The following MCM3AP variants were observed in gnomAD, a reference collection of about 807,000 sequenced individuals.
MCM3AP encodes minichromosome maintenance complex component 3 associated protein, also known as germinal-center associated nuclear protein.
Under a neutral mutation model 184.1 loss-of-function variants are expected in MCM3AP, and 126 were observed. The observed-to-expected ratio is 0.68, with a 90% CI of 0.59 to 0.79. The LOEUF is 0.79. Ranked by LOEUF, MCM3AP falls within the 30% of genes least tolerant of loss-of-function variation. The pLI, the probability that MCM3AP is intolerant of heterozygous loss-of-function variation, is 0.00. For synonymous variants in MCM3AP, 1,002 were observed against 979.3 expected, an observed-to-expected ratio of 1.02 and a Z score of -0.43; for missense variants, 2,496 against 2,479.2, an observed-to-expected ratio of 1.01 and a Z score of -0.14.
chr21:46,260,810 G>A lies in MCM3AP; in HGVS notation c.3564C>T (p.Thr1188=), dbSNP rs759995011. Residue 1188 remains threonine, a synonymous_variant, in exon 15 of 28, where the codon ACC becomes ACT. Transcript: ENST00000291688. ...ERVMMEFVRE[T]CSQELKNAVE... Reference sequence around the variant, plus strand: ...TCACTTACTTCAACTCCTGGGAGCAGGTTTCCCTCACAAACTCCATCATCA... The same window carrying A: ...TCACTTACTTCAACTCCTGGGAGCAAGTTTCCCTCACAAACTCCATCATCA... The A allele has an allele frequency of 6.2e-6, 10 of 1,613,652 alleles. No individual in the cohort carries two copies. Among genetic ancestry groups the A allele is most frequent in the East Asian group, 2.2e-5 (1 of 44,900 alleles).
rs914126145 is a variant in MCM3AP, at chr21:46,245,117, G to A, written c.4728C>T (p.Val1576=). The change falls in exon 23 of 28, where the codon GTC becomes GTT. Residue 1576 remains valine, a synonymous_variant. Transcript: ENST00000291688. ...TAAACTCATGGCCAATCCCGTCTTC[G>A]ACGTACTGAATGAGAGTCTGGCAGC... The part of the protein sequence containing the change: ...DLCCQTLIQY[V]EDGIGHEFSG... 1.8e-5 allele frequency: 29 copies of A among 1,614,078 alleles called. No homozygotes were observed. The highest frequency in any genetic ancestry group is 2.3e-5 in the Non-Finnish European group (27 of 1,180,038).
At position 46,285,338 on chromosome 21, in the gene MCM3AP, T is replaced by C. The variant is rs1401800105; in HGVS notation, c.-52A>G. 3 of 1,326,416 alleles carry C rather than the reference T, an allele frequency of 2.3e-6. No individual in the cohort carries two copies. The highest frequency in any genetic ancestry group is 1.9e-4 in the Middle Eastern group (1 of 5,356). 82.2% of individuals were successfully genotyped at this position (1,326,416 alleles called of 1,614,324 possible). A position where few individuals can be genotyped will look rare whatever the true frequency, so the allele number is the denominator to read the frequency against. ...TTAAGTATTATGTGTACAAAATTAA[T>C]TGGCTTCCTGAAACAGCCTGTAGCA... On this transcript the variant is annotated 5_prime_UTR_variant, in exon 1 of 28. Coordinates refer to ENST00000291688, the MANE Select transcript of MCM3AP (RefSeq NM_003906.5).
In MCM3AP at chr21:46,256,966, G is replaced by A; in HGVS notation, c.3755C>T (p.Ala1252Val). 1 of 1,611,696 alleles carries A rather than the reference G, an allele frequency of 6.2e-7. No individual in the cohort carries two copies. The highest frequency in any genetic ancestry group is 8.5e-7 in the Non-Finnish European group (1 of 1,178,692). Residue 1252 changes from alanine (A) to valine (V), a missense_variant, in exon 17 of 28, where the codon GCC (alanine) becomes GTC (valine). By Grantham distance (64) the Ala-to-Val change is moderately conservative (BLOSUM62 0). Coordinates refer to ENST00000291688, the MANE Select transcript of MCM3AP (RefSeq NM_003906.5). ...CATTTGGCGCCTCAGTTTCTTGCGG[G>A]CTGTGACAGCTTCCCTCCACCTGGG... ...YLQRWREAVTARKKLRRQMRA... is the reference protein window; with the variant it reads ...YLQRWREAVTVRKKLRRQMRA...
Position 46,256,790 on chromosome 21 carries a change from T to TC in MCM3AP, c.3930_3931insG (p.Arg1311GlufsTer25). The TC allele has an allele frequency of 1.9e-6, 3 of 1,550,512 alleles. No individual in the cohort carries two copies. The highest frequency in any genetic ancestry group is 2.6e-6 in the Non-Finnish European group (3 of 1,146,558). On this transcript the variant is annotated frameshift_variant and splice_region_variant, in exon 17 of 28. Coordinates refer to ENST00000291688, the MANE Select transcript of MCM3AP (RefSeq NM_003906.5). LOFTEE classifies it high-confidence loss of function. Reference sequence around the variant, plus strand: ...AGGCAGGCGACAGCTGATGCTGACCTGGTGCAGGAGATGCCCAATCTCCCT... The same window carrying TC: ...AGGCAGGCGACAGCTGATGCTGACCTCGGTGCAGGAGATGCCCAATCTCCCT...
chr21:46,247,985 G>C (rs2080803561), intron 20 of MCM3AP, among the ~76,000 whole-genome samples: 1 of 152,000 alleles, frequency 6.6e-6, no homozygotes, highest in South Asian at 2.1e-4. Context: ...TAGAAAGAGG[G>C]AAGGCAAGCC....
chr21:46,276,740 A>ATTT (rs34562786), intron 5 of MCM3AP, among the ~76,000 whole-genome samples: 1 of 131,370 alleles, frequency 7.6e-6, no homozygotes, highest in Non-Finnish European at 1.6e-5. Context: ...CACGCCCAGC[A>ATTT]TTTTTTTTTT....
chr21:46,262,548 T>C (rs1321175628), intron 13 of MCM3AP, among the ~76,000 whole-genome samples: 2 of 151,820 alleles, frequency 1.3e-5, no homozygotes, highest in East Asian at 3.9e-4. Context: ...CTTGGGAGGC[T>C]GAGGTGAGAG....
intron 1 of MCM3AP, 53 bp from the exon 2 acceptor site, chr21:46,283,891 A>T: frequency 1.3e-6 from 2 of 1,563,518 alleles, no homozygotes; most frequent in Non-Finnish European, 1.8e-6. Flanking sequence ...CAACAACAGG[A>T]GGCACCAACT....
At position 46,285,550 on chromosome 21, in the gene MCM3AP, G is replaced by A. The variant is rs1298951495; in HGVS notation, c.-264C>T. The A allele has an allele frequency of 2.2e-6, 1 of 455,996 alleles. No homozygotes were observed. Among genetic ancestry groups the A allele is most frequent in the Non-Finnish European group, 3.9e-6 (1 of 256,586 alleles). The allele number at this position is 455,996 out of a possible 1,614,324, so 28.2% of individuals were successfully genotyped here. ...CGATAGGTTATTTTGTTGGAGGGTG[G>A]GGTAGAGAGTGGTACAAATAATTAC... On this transcript the variant is annotated 5_prime_UTR_variant, in exon 1 of 28. Coordinates refer to ENST00000291688, the MANE Select transcript of MCM3AP (RefSeq NM_003906.5).
Position 46,280,558 on chromosome 21 carries a change from A to G in MCM3AP, c.1461T>C (p.Ala487=). The G allele has an allele frequency of 6.2e-7, 1 of 1,612,738 alleles. No individual in the cohort carries two copies. The highest frequency in any genetic ancestry group is 8.5e-7 in the Non-Finnish European group (1 of 1,179,030). The part of the protein sequence containing the change: ...HFFDHASAAL[A]RKKGKSLHKD... ...TATGCAAACTTTTCCCCTTCTTTCT[A>G]GCCAGGGCTGCAGATGCCTGGAAAA... Residue 487 remains alanine, a synonymous_variant, in exon 3 of 28, where the codon GCT becomes GCC. Transcript: ENST00000291688.
intron 20 of MCM3AP, chr21:46,249,481 G>A (rs2123844169): frequency 2.4e-6 from 1 of 410,636 alleles, no homozygotes; most frequent in African/African-American, 2.1e-5. Flanking sequence ...AAGCCACTAT[G>A]CGCGGCCAGG....
In MCM3AP at chr21:46,285,413, GATC is replaced by G. The variant is rs1008578322; in HGVS notation, c.-130_-128del. ...GAACAAGCTGAAAGAGAAAAATTCA[GATC>G]ATCATAGCTATGTTCTGCTACAAGT... On this transcript the variant is annotated 5_prime_UTR_variant, in exon 1 of 28. The change abolishes an upstream ATG in the 5' untranslated region. Coordinates refer to ENST00000291688, the MANE Select transcript of MCM3AP (RefSeq NM_003906.5). The G allele has an allele frequency of 7.2e-5, 48 of 664,010 alleles. No individual in the cohort carries two copies. In the African/African-American group the frequency reaches 8.3e-4, roughly 11 times the overall value. 41.1% of individuals were successfully genotyped at this position (664,010 alleles called of 1,614,324 possible).
chr21:46,262,242 C>G (rs779820422), intron 13 of MCM3AP, among the ~76,000 whole-genome samples: 1 of 152,194 alleles, frequency 6.6e-6, no homozygotes. Flanking sequence ...AAACTAACCA[C>G]CAATCTTTTT....
chr21:46,243,816 G>T, intron 23 of MCM3AP, 94 bp from the exon 24 acceptor site: 1 of 1,308,154 alleles, frequency 7.6e-7, no homozygotes, highest in Non-Finnish European at 1.0e-6. Flanking sequence ...CAACTGTGAA[G>T]TTGAGAAGTC....
intron 9 of MCM3AP, among the ~76,000 whole-genome samples, chr21:46,269,796 C>G (rs757589811): frequency 6.6e-6 from 1 of 152,214 alleles, no homozygotes; most frequent in Non-Finnish European, 1.5e-5. Flanking sequence ...TTGCACTGAA[C>G]GGAATCATGC....
intron 5 of MCM3AP, among the ~76,000 whole-genome samples, chr21:46,276,672 C>T (rs1238782222): frequency 6.6e-6 from 1 of 151,278 alleles, no homozygotes; most frequent in Non-Finnish European, 1.5e-5. Flanking sequence ...AACTCCTGAC[C>T]TCAGGTGATC....
chr21:46,235,275 T>C lies in MCM3AP; in HGVS notation c.5936A>G (p.Asp1979Gly). The stretch of plus-strand genomic sequence containing the variant: ...CCCCACAGGTCAGGCTGCTCAAATG[T>C]CCACCATGTCTAGCAGCGCAGAGAG... ...LHLSALLDMV[D>G]I The change falls in exon 28 of 28, where the codon GAC (aspartate) becomes GGC (glycine). Residue 1979 changes from aspartate to glycine, a missense_variant. Around this residue, in one of 5 missense-constraint regions of MCM3AP, gnomAD observed 1,323 missense variants for 1,273.4 expected, o/e 1.04. Transcript: ENST00000291688. 6.2e-7 allele frequency: 1 copy of C among 1,614,142 alleles called. No individual in the cohort carries two copies. Among genetic ancestry groups the C allele is most frequent in the South Asian group, 1.1e-5 (1 of 91,082 alleles).
intron 14 of MCM3AP, 25 bp from the exon 15 acceptor site, chr21:46,260,931 A>G: frequency 2.0e-6 from 3 of 1,481,894 alleles, no homozygotes; most frequent in Non-Finnish European, 2.8e-6. Flanking sequence ...AAAAATACAC[A>G]AGGGTAATGT....
At position 46,237,442 on chromosome 21, in the gene MCM3AP, T is replaced by A. The variant is rs1193216715; in HGVS notation, c.5634-463A>T. ...TTTTTTTTGACAAGGTCTCGCTCTG[T>A]TGGCCAGGCCGGAGTGCAGTGTTAC... On this transcript the variant is annotated intron_variant, in intron 26 of 27. Transcript: ENST00000291688. Among the ~76,000 whole-genome samples the A allele has an allele frequency of 5.0e-4, 26 of 51,772 alleles. 2 individuals carry two copies. Among genetic ancestry groups the A allele is most frequent in the Middle Eastern group, 8.9e-3 (1 of 112 alleles). 34.0% of individuals were successfully genotyped at this position (51,772 alleles called of 152,430 possible).
Sources: allele counts gnomAD v4.1 joint callset (sites outside exome capture counted in the v4.1 genomes callset), GRCh38; gene constraint gnomAD v4.1.1; regional missense constraint gnomAD v4.1.1; transcripts MANE v1.5; gene names NCBI Gene and HGNC (gene_info 2026-07-23, HGNC 2026-07-21).